TTLL5: variants seen among roughly 807,000 people sequenced by gnomAD.
TTLL5 encodes tubulin tyrosine ligase like 5.
In TTLL5, 132 loss-of-function variants were observed where a neutral mutation model predicts 168.4. The observed-to-expected ratio is 0.78, with a 90% CI of 0.68 to 0.91. TTLL5 has a LOEUF of 0.91. Ranked by LOEUF, TTLL5 falls within the 40% of genes least tolerant of loss-of-function variation. TTLL5 has a pLI of 0.00. For synonymous variants in TTLL5, 546 were observed against 558.6 expected (o/e 0.98, Z 0.32); for missense variants, 1,545 against 1,581.5 (o/e 0.98, Z 0.39).
intron 31 of TTLL5, among the ~76,000 whole-genome samples, chr14:75,936,812 G>A (rs2140182475): frequency 6.6e-6 from 1 of 152,274 alleles, no homozygotes; most frequent in African/African-American, 2.4e-5. Context: ...TAGCTTGGTT[G>A]GAATAGAAGA....
At chr14:75,757,761 G>A in intron 18 of TTLL5, 1 of 1,393,690 alleles carries the variant, frequency 7.2e-7, no homozygotes, top group Non-Finnish European at 9.6e-7. Flanking sequence ...TGGAGTGCAT[G>A]TGTGTGTGAA....
intron 27 of TTLL5, among the ~76,000 whole-genome samples, chr14:75,802,512 A>G (rs1352077312): frequency 2.0e-5 from 3 of 152,234 alleles, no homozygotes; most frequent in Non-Finnish European, 4.4e-5. Context: ...TATTTGGCCT[A>G]CAATTTCAAC....
In TTLL5 at chr14:75,766,072, A is replaced by C. The variant is rs200095377; in HGVS notation, c.1719A>C (p.Gln573His). ...AMRPKYPVIT[Q>H]PAEMNVKTET... ...ATTCTTCGTATTTAGTGATTACCCA[A>C]CCAGCTGAAATGAATGTTAAAACTG... Residue 573 changes from glutamine to histidine, a missense_variant, in exon 20 of 32, where the codon CAA becomes CAC. Coordinates refer to ENST00000298832, the MANE Select transcript of TTLL5 (RefSeq NM_015072.5). 3.1e-6 allele frequency: 5 copies of C among 1,610,762 alleles called. No homozygotes were observed. Among genetic ancestry groups the C allele is most frequent in the Non-Finnish European group, 4.2e-6 (5 of 1,178,586 alleles).
chr14:75,875,988 A>C (rs868193754), intron 29 of TTLL5, among the ~76,000 whole-genome samples: 3 of 152,248 alleles, frequency 2.0e-5, no homozygotes, highest in African/African-American at 7.2e-5. Flanking sequence ...TGTGTGATCA[A>C]ACAGTGCTGG....
Position 75,819,994 on chromosome 14 carries a change from GC to G in TTLL5, c.3172-12del. 6.3e-7 allele frequency: 1 copy of G among 1,583,154 alleles called. No individual in the cohort carries two copies. The highest frequency in any genetic ancestry group is 1.2e-5 in the South Asian group (1 of 86,122). On this transcript the variant is annotated splice_polypyrimidine_tract_variant and intron_variant, in intron 27 of 31. Coordinates refer to ENST00000298832, the MANE Select transcript of TTLL5 (RefSeq NM_015072.5). ...TCTGTAAAGTCAGGTTATTTCCCTC[GC>G]TTTATTTCTAGGTAACAAACCTGAA...
At chr14:75,814,963 C>A (rs956044537) in intron 27 of TTLL5, among the ~76,000 whole-genome samples, 8 of 152,182 alleles carry the variant, frequency 5.3e-5, no homozygotes, top group African/African-American at 1.7e-4. Context: ...TCCATTATCA[C>A]AGATCATTCT....
At chr14:75,768,655 G>A (rs1236205680) in intron 20 of TTLL5, among the ~76,000 whole-genome samples, 2 of 152,176 alleles carry the variant, frequency 1.3e-5, no homozygotes. Context: ...CTTCCTATCA[G>A]TCAGAAAGAA....
intron 7 of TTLL5, among the ~76,000 whole-genome samples, chr14:75,703,192 G>T (rs1198494271): frequency 6.6e-6 from 1 of 152,208 alleles, no homozygotes; most frequent in Non-Finnish European, 1.5e-5. Flanking sequence ...ATGTGAGTGA[G>T]TGAGGGATTT....
At chr14:75,748,066 C>T (rs989457634) in intron 17 of TTLL5, among the ~76,000 whole-genome samples, 1 of 152,188 alleles carries the variant, frequency 6.6e-6, no homozygotes, top group Non-Finnish European at 1.5e-5. Context: ...TGCCTTTAGG[C>T]AGAAATGTAG....
At chr14:75,832,103 C>T (rs1183302929) in intron 28 of TTLL5, among the ~76,000 whole-genome samples, 4 of 151,998 alleles carry the variant, frequency 2.6e-5, no homozygotes, top group Admixed American at 6.6e-5. Flanking sequence ...TGACACACAC[C>T]CCCACCCCCA....
At chr14:75,744,957 A>T in intron 15 of TTLL5, 138 bp from the exon 16 acceptor site, 1 of 682,280 alleles carries the variant, frequency 1.5e-6, no homozygotes, top group Non-Finnish European at 2.4e-6. Flanking sequence ...GGCTGAGATT[A>T]ATTACAGAAA....
At chr14:75,745,056 A>C (rs780995910) in intron 15 of TTLL5, 39 bp from the exon 16 acceptor site, 1 of 1,563,734 alleles carries the variant, frequency 6.4e-7, no homozygotes, top group South Asian at 1.1e-5. Flanking sequence ...ATGAAAACTT[A>C]AAAAATTTTT....
At chr14:75,949,443 A>G (rs1015206242) in intron 31 of TTLL5, among the ~76,000 whole-genome samples, 6 of 146,146 alleles carry the variant, frequency 4.1e-5, no homozygotes, top group African/African-American at 1.2e-4. Context: ...CTATATATAT[A>G]TATTCTATAT....
intron 31 of TTLL5, among the ~76,000 whole-genome samples, chr14:75,912,286 C>G (rs2033424990): frequency 6.6e-6 from 1 of 152,136 alleles, no homozygotes; most frequent in East Asian, 1.9e-4. Flanking sequence ...CAGGCCTTAA[C>G]TGGCCTAAAT....
At chr14:75,820,710 G>A (rs1186422655) in intron 28 of TTLL5, 2 of 152,890 alleles carry the variant, frequency 1.3e-5, no homozygotes, top group East Asian at 3.9e-4. Flanking sequence ...TAAAATCCAC[G>A]TAGCTTCTGG....
chr14:75,885,701 T>C (rs921041415), intron 30 of TTLL5, among the ~76,000 whole-genome samples: 1 of 152,246 alleles, frequency 6.6e-6, no homozygotes, highest in South Asian at 2.1e-4. Context: ...TCAGTTGATA[T>C]ATTCTCACTG....
In TTLL5 at chr14:75,897,711, G is replaced by C. The variant is rs145736311; in HGVS notation, c.3741-4431G>C. Among the ~76,000 whole-genome samples, 1,211 of 152,172 alleles carry C rather than the reference G, an allele frequency of 8.0e-3. 23 individuals are homozygous for C. The highest frequency in any genetic ancestry group is 0.028 in the African/African-American group (1,164 of 41,518). ...GGCTGGTCTCAAACTCCTGACTTCA[G>C]GTCTTCCTGCCTCAGCCTCCCAAAG... On this transcript the variant is annotated intron_variant, in intron 30 of 31. Coordinates refer to ENST00000298832, the MANE Select transcript of TTLL5 (RefSeq NM_015072.5).
intron 26 of TTLL5, among the ~76,000 whole-genome samples, chr14:75,789,199 T>C (rs997867362): frequency 6.6e-6 from 1 of 152,142 alleles, no homozygotes; most frequent in Admixed American, 6.5e-5. Flanking sequence ...GGATGCCCAT[T>C]AACATTCCTT....
intron 27 of TTLL5, among the ~76,000 whole-genome samples, chr14:75,795,555 A>C (rs965164421): frequency 1.2e-4 from 19 of 152,136 alleles, no homozygotes; most frequent in Admixed American, 1.2e-3. Flanking sequence ...CCCAATGTGC[A>C]GTCTTTTATT....
Sources: gnomAD v4.1 joint callset for allele counts (sites outside exome capture counted in the v4.1 genomes callset) on GRCh38, gnomAD v4.1.1 for gene constraint, MANE v1.5 for transcripts, NCBI Gene and HGNC (gene_info 2026-07-23, HGNC 2026-07-21) for gene names.